Variants in TAS1R1 observed in about 807,000 individuals in gnomAD.
TAS1R1 encodes the protein taste 1 receptor member 1.
A neutral mutation model predicts 45.8 loss-of-function variants in TAS1R1; 31 were observed. The observed-to-expected ratio is 0.68, with a 90% CI of 0.51 to 0.91. TAS1R1 has a LOEUF of 0.91. Ranked by LOEUF, TAS1R1 falls within the 40% of genes least tolerant of loss-of-function variation. The pLI is 0.00. For missense variants in TAS1R1, 1,051 were observed against 1,063.9 expected, an observed-to-expected ratio of 0.99 and a Z score of 0.17; for synonymous variants, 437 against 448.4, an observed-to-expected ratio of 0.97 and a Z score of 0.32.
At chr1:6,570,228 G>C (rs986045829) in intron 1 of TAS1R1, among the ~76,000 whole-genome samples, 1 of 152,096 alleles carries the variant, frequency 6.6e-6, no homozygotes, top group Non-Finnish European at 1.5e-5. Flanking sequence ...ACAGACTAGG[G>C]GGTGTAAGTA....
In TAS1R1 at chr1:6,567,504, G is replaced by A. The variant is rs536651327; in HGVS notation, c.192-3405G>A. Among the ~76,000 whole-genome samples the A allele has an allele frequency of 7.3e-5, 11 of 151,610 alleles. No individual in the cohort carries two copies. In the South Asian group the frequency reaches 1.3e-3, roughly 17 times the overall value. Reference sequence around the variant, plus strand: ...GAACCCGGGAGGCGGAGCTTGCAGTGAGCCGAGATTGCGCCACTGCACTCC... The same window carrying A: ...GAACCCGGGAGGCGGAGCTTGCAGTAAGCCGAGATTGCGCCACTGCACTCC... On this transcript the variant is annotated intron_variant, in intron 1 of 5. Coordinates refer to ENST00000333172, the MANE Select transcript of TAS1R1 (RefSeq NM_138697.4).
intron 1 of TAS1R1, among the ~76,000 whole-genome samples, chr1:6,560,380 AGAG>A (rs1484047010): frequency 6.6e-6 from 1 of 152,204 alleles, no homozygotes; most frequent in Non-Finnish European, 1.5e-5. Context: ...CACAGCAATC[AGAG>A]GAGGCAACAG....
intron 1 of TAS1R1, among the ~76,000 whole-genome samples, chr1:6,565,607 TTTTG>T (rs550930455): frequency 7.9e-5 from 12 of 152,146 alleles, no homozygotes; most frequent in Admixed American, 6.5e-4. Context: ...CAAGGGCGTT[TTTTG>T]TTTGTTTGTT....
intron 1 of TAS1R1, among the ~76,000 whole-genome samples, chr1:6,568,850 A>G (rs916232977): frequency 6.6e-6 from 1 of 152,250 alleles, no homozygotes; most frequent in Non-Finnish European, 1.5e-5. Context: ...TGTAGAGATC[A>G]TGCCAAGTGA....
intron 2 of TAS1R1, among the ~76,000 whole-genome samples, 183 bp downstream of exon 2, chr1:6,571,398 T>C (rs938170063): frequency 4.6e-5 from 7 of 152,168 alleles, no homozygotes; most frequent in Non-Finnish European, 8.8e-5. Flanking sequence ...CCTTCCTCTC[T>C]TTCCAGAGCT....
At chr1:6,557,599 C>A (rs552700948) in intron 1 of TAS1R1, among the ~76,000 whole-genome samples, 22 of 152,182 alleles carry the variant, frequency 1.4e-4, no homozygotes, top group Admixed American at 1.4e-3. Flanking sequence ...CCACTCCTGG[C>A]TAATTTTTTA....
intron 1 of TAS1R1, among the ~76,000 whole-genome samples, chr1:6,569,521 C>A (rs1047438896): frequency 1.3e-5 from 2 of 152,170 alleles, no homozygotes; most frequent in Non-Finnish European, 2.9e-5. Context: ...TTAGGACAGA[C>A]CTCTGAATGG....
chr1:6,576,340 GC>G (rs1640171206), intron 3 of TAS1R1, 74 bp from the exon 4 acceptor site: 1 of 1,447,246 alleles, frequency 6.9e-7, no homozygotes. Flanking sequence ...ACCCAGGAAG[GC>G]CCCAGGCCCT....
chr1:6,562,657 G>C (rs559728237), intron 1 of TAS1R1, among the ~76,000 whole-genome samples: 4 of 152,200 alleles, frequency 2.6e-5, no homozygotes, highest in African/African-American at 9.7e-5. Flanking sequence ...TAGCTGTACG[G>C]CTCTGCGTTG....
intron 5 of TAS1R1, among the ~76,000 whole-genome samples, chr1:6,577,622 C>T (rs187372318): frequency 9.2e-5 from 14 of 151,580 alleles, no homozygotes; most frequent in South Asian, 4.2e-4. Flanking sequence ...GTCAGGAGTT[C>T]GAGACCAGCC....
chr1:6,556,611 A>C (rs368190403), intron 1 of TAS1R1, among the ~76,000 whole-genome samples: 1 of 151,708 alleles, frequency 6.6e-6, no homozygotes, highest in Non-Finnish European at 1.5e-5. Flanking sequence ...CATGTTGGTC[A>C]GGCTGGTCTC....
rs115324299 is a variant in TAS1R1 at position 6,558,329 on chromosome 1, G to A, written c.191+2765G>A. 4.0e-3 allele frequency among the ~76,000 whole-genome samples: 605 copies of A among 152,216 alleles called. 8 individuals are homozygous for A. Among genetic ancestry groups the A allele is most frequent in the African/African-American group, 0.014 (580 of 41,532 alleles). ...AGTGCTAAGATTATAGGTGTGAGCC[G>A]TGGTGGTGAATTTTGCGTGTCAGAT... On this transcript the variant is annotated intron_variant, in intron 1 of 5. Transcript: ENST00000333172.
At chr1:6,572,377 A>C (rs1640041408) in intron 2 of TAS1R1, among the ~76,000 whole-genome samples, 2 of 149,168 alleles carry the variant, frequency 1.3e-5, no homozygotes, top group Non-Finnish European at 3.0e-5. Flanking sequence ...CTCCCACCTC[A>C]TACTCCTAAG....
Position 6,579,719 on chromosome 1 carries a change from A to G in TAS1R1, c.*135A>G. On this transcript the variant is annotated 3_prime_UTR_variant, in exon 6 of 6. Coordinates refer to ENST00000333172, the MANE Select transcript of TAS1R1 (RefSeq NM_138697.4). ...CGTGTAAGCGCCTGGGAGAGCCTAG[A>G]CCAGGCTCCGGGCTGCCAATAAAGA... is the stretch of plus-strand genomic sequence containing the variant. 1 of 1,239,598 alleles carries G rather than the reference A, an allele frequency of 8.1e-7. No individual in the cohort carries two copies. Among genetic ancestry groups the G allele is most frequent in the South Asian group, 1.5e-5 (1 of 65,050 alleles). 76.8% of individuals were successfully genotyped at this position (1,239,598 alleles called of 1,614,324 possible). A position where few individuals can be genotyped will look rare whatever the true frequency, so the allele number is the denominator to read the frequency against.
rs775494785 is a variant in TAS1R1, at chr1:6,555,333, G to C, written c.-41G>C. On this transcript the variant is annotated 5_prime_UTR_variant, in exon 1 of 6. Coordinates refer to ENST00000333172, the MANE Select transcript of TAS1R1 (RefSeq NM_138697.4). ...TATTTAAGCAACTGGCCTCCTTAGA[G>C]GCCACTCCTTGGCCATGCCAGGCGC... 1.1e-5 allele frequency: 16 copies of C among 1,518,264 alleles called. No individual in the cohort carries two copies. The highest frequency in any genetic ancestry group is 8.0e-6 in the Non-Finnish European group (9 of 1,129,242). 94.0% of individuals were successfully genotyped at this position (1,518,264 alleles called of 1,614,324 possible).
At chr1:6,563,880 G>A (rs1298814137) in intron 1 of TAS1R1, among the ~76,000 whole-genome samples, 2 of 152,128 alleles carry the variant, frequency 1.3e-5, no homozygotes, top group African/African-American at 2.4e-5. Flanking sequence ...GGAATTTGGG[G>A]CTGAAACCAG....
rs1354157411 is a variant in TAS1R1 at position 6,578,840 on chromosome 1, C to G, written c.1782C>G (p.Thr594=). ...TAGLFAWHLD[T]PVVRSAGGRL... The stretch of plus-strand genomic sequence containing the variant: ...GCCTGTTTGCCTGGCACCTAGACAC[C>G]CCTGTGGTGAGGTCAGCAGGGGGCC... The change falls in exon 6 of 6, where the codon ACC becomes ACG. Residue 594 remains threonine, a synonymous_variant. Transcript: ENST00000333172. 2.5e-6 allele frequency: 4 copies of G among 1,611,906 alleles called. No homozygotes were observed. The African/African-American group carries it at 4.0e-5, about 16-fold the overall frequency.
At chr1:6,577,540 G>A (rs6420996) in intron 5 of TAS1R1, among the ~76,000 whole-genome samples, 139,460 of 150,468 alleles carry the variant, frequency 0.93, 65,413 homozygotes, top group East Asian at 1. Flanking sequence ...AAAAAAGAAA[G>A]GAGGCCGGGC....
Position 6,575,520 on chromosome 1 carries a change from T to C in TAS1R1, c.1260+128T>C, listed in dbSNP as rs1215002022. On this transcript the variant is annotated intron_variant, in intron 3 of 5. Transcript: ENST00000333172. ...TGCCACTAACTTGAGGTTTTTTGTT[T>C]TGTTTTGTTTTGTTTTTTGAGACAG... 6.2e-6 allele frequency: 7 copies of C among 1,126,190 alleles called. No individual in the cohort carries two copies. The Admixed American group carries it at 9.7e-5, about 16-fold the overall frequency. The allele number at this position is 1,126,190 out of a possible 1,614,324, so 69.8% of individuals were successfully genotyped here.
Sources: allele counts gnomAD v4.1 joint callset (sites outside exome capture counted in the v4.1 genomes callset), GRCh38; gene constraint gnomAD v4.1.1; transcripts MANE v1.5; gene names NCBI Gene and HGNC (gene_info 2026-07-23, HGNC 2026-07-21).